The following ZNF680 variants were observed in gnomAD, a reference collection of about 807,000 sequenced individuals.
The protein encoded by ZNF680 is hypothetical protein FLJ90430.
ZNF680 carries 6 observed loss-of-function variants against 12.1 expected under a neutral mutation model. The observed-to-expected ratio is 0.49, with a 90% CI of 0.27 to 0.98. The LOEUF is 0.98. ZNF680 is among the 50% of genes least tolerant of loss of function. The pLI is 0.12. For missense variants in ZNF680, 561 were observed against 616.3 expected (o/e 0.91, Z 0.95); for synonymous variants, 170 against 199.3 (o/e 0.85, Z 1.24).
intron 3 of ZNF680, among the ~76,000 whole-genome samples, chr7:64,524,273 T>G (rs146951686): frequency 0.026 from 3,863 of 151,334 alleles, 100 homozygotes; most frequent in African/African-American, 0.056. Context: ...TCAGCCTCCC[T>G]AGTAGCTGGG....
intron 3 of ZNF680, among the ~76,000 whole-genome samples, chr7:64,542,815 C>T (rs113852165): frequency 6.6e-5 from 10 of 152,322 alleles, no homozygotes; most frequent in African/African-American, 2.2e-4. Flanking sequence ...TCTCCTGCCT[C>T]AGCCTTTTGG....
chr7:64,501,129 G>GATGT, the ZNF680 span: 1 of 959,118 alleles, frequency 1.0e-6, no homozygotes, highest in South Asian at 1.4e-5. Context: ...GATCTGCAGC[G>GATGT]ATGTATGGGT....
the ZNF680 span, chr7:64,500,945 A>C: frequency 1.9e-5 from 12 of 644,914 alleles, no homozygotes; most frequent in Admixed American, 1.5e-4. Flanking sequence ...TTCGATGTGC[A>C]GCAAAATTGT....
the ZNF680 span, among the ~76,000 whole-genome samples, chr7:64,511,425 C>T: frequency 3.3e-5 from 5 of 152,130 alleles, no homozygotes; most frequent in Non-Finnish European, 7.3e-5. Flanking sequence ...GGCTAAGGCT[C>T]AAGCTCTGAC....
the ZNF680 span, among the ~76,000 whole-genome samples, chr7:64,511,790 A>G: frequency 0.23 from 34,329 of 152,060 alleles, 4,070 homozygotes; most frequent in South Asian, 0.28. Context: ...TAGGCACAGC[A>G]GCTCATGCCT....
intron 1 of ZNF680, among the ~76,000 whole-genome samples, chr7:64,561,692 T>C (rs983123872): frequency 2.6e-5 from 4 of 151,952 alleles, no homozygotes; most frequent in African/African-American, 7.3e-5. Flanking sequence ...CCCAGCACTT[T>C]GGGAGGCCGA....
At chr7:64,518,505 T>A (rs1233490592), downstream of ZNF680, among the ~76,000 whole-genome samples, 1 of 151,928 alleles carries the variant, frequency 6.6e-6, no homozygotes, top group African/African-American at 2.4e-5. Context: ...CCAAAAGCAA[T>A]CTAGAAATAC....
chr7:64,555,734 AT>A (rs151299801), intron 1 of ZNF680, among the ~76,000 whole-genome samples: 33,119 of 118,886 alleles, frequency 0.28, 3,891 homozygotes, highest in South Asian at 0.33. Context: ...GTAAAAAAAA[AT>A]ATATATATAT....
At chr7:64,555,773 C>A (rs1787381469) in intron 1 of ZNF680, among the ~76,000 whole-genome samples, 1 of 149,328 alleles carries the variant, frequency 6.7e-6, no homozygotes, top group Non-Finnish European at 1.5e-5. Context: ...CCACTAGCTA[C>A]AATAATAAAG....
At chr7:64,504,575 T>C in the ZNF680 span, among the ~76,000 whole-genome samples, 3 of 152,222 alleles carry the variant, frequency 2.0e-5, no homozygotes, top group African/African-American at 4.8e-5. Flanking sequence ...GTAGGATTCA[T>C]ACTTTTTATA....
At chr7:64,559,130 G>A (rs1350378866) in intron 1 of ZNF680, among the ~76,000 whole-genome samples, 1 of 152,128 alleles carries the variant, frequency 6.6e-6, no homozygotes, top group African/African-American at 2.4e-5. Context: ...TTTTATACAA[G>A]ATAAAGTAAG....
chr7:64,550,613 A>G (rs1787025728), intron 1 of ZNF680, among the ~76,000 whole-genome samples: 1 of 152,182 alleles, frequency 6.6e-6, no homozygotes, highest in Non-Finnish European at 1.5e-5. Flanking sequence ...TGTGAGCCTC[A>G]TGGTCTCTGA....
chr7:64,505,017 T>C, the ZNF680 span, among the ~76,000 whole-genome samples: 1 of 152,216 alleles, frequency 6.6e-6, no homozygotes, highest in African/African-American at 2.4e-5. Context: ...ATCAAAATTC[T>C]TGTATTGCCT....
At chr7:64,513,343 TA>T in the ZNF680 span, among the ~76,000 whole-genome samples, 19 of 147,504 alleles carry the variant, frequency 1.3e-4, no homozygotes, top group Middle Eastern at 3.5e-3. Flanking sequence ...AAGCAAATTG[TA>T]AAAAAAAAAG....
chr7:64,501,128 C>T, the ZNF680 span: 9 of 958,714 alleles, frequency 9.4e-6, no homozygotes, highest in South Asian at 2.8e-5. Flanking sequence ...TGATCTGCAG[C>T]GATGTATGGG....
At chr7:64,562,745 G>C (rs976988286) in intron 1 of ZNF680, among the ~76,000 whole-genome samples, 180 bp downstream of exon 1, 4 of 152,220 alleles carry the variant, frequency 2.6e-5, no homozygotes, top group African/African-American at 9.6e-5. Flanking sequence ...CCGGGGTCCG[G>C]CTGTCAGCCC....
At chr7:64,500,680 G>C in the ZNF680 span, 1 of 226,988 alleles carries the variant, frequency 4.4e-6, no homozygotes, top group African/African-American at 2.3e-5. Context: ...GTGAAGAGAC[G>C]AAGACTGAGC....
chr7:64,552,277 T>G (rs1463465451), intron 1 of ZNF680, among the ~76,000 whole-genome samples: 1 of 152,212 alleles, frequency 6.6e-6, no homozygotes, highest in African/African-American at 2.4e-5. Context: ...GGTCTCCAAC[T>G]CCTGACCTCA....
Position 64,544,385 on chromosome 7 carries a change from C to T in ZNF680, c.78G>A (p.Glu26=). 1.2e-6 allele frequency: 2 copies of T among 1,604,844 alleles called. No individual in the cohort carries two copies. The highest frequency in any genetic ancestry group is 1.7e-6 in the Non-Finnish European group (2 of 1,174,328). ...RDVAIEFSLE[E]WQCLDTAQRN... is the part of the protein sequence containing the mutation. ...GTTGTGCAGTGTCCAGGCATTGCCA[C>T]TCCTCCAGAGAGAATTCTATGGCCA... The change falls in exon 2 of 4, where the codon GAG becomes GAA. Residue 26 remains glutamate, a synonymous_variant. Coordinates refer to ENST00000309683, the MANE Select transcript of ZNF680 (RefSeq NM_178558.5).
Sources: gnomAD v4.1 joint callset for allele counts (sites outside exome capture counted in the v4.1 genomes callset) on GRCh38, gnomAD v4.1.1 for gene constraint, MANE v1.5 for transcripts, NCBI Gene and HGNC (gene_info 2026-07-23, HGNC 2026-07-21) for gene names.